KCNIP4: variants seen among roughly 807,000 people sequenced by gnomAD.
KCNIP4 encodes potassium voltage-gated channel interacting protein 4.
KCNIP4 carries 12 observed loss-of-function variants against 34.0 expected under a neutral mutation model. That is an observed-to-expected ratio of 0.35 (90% CI 0.23 to 0.57). The LOEUF (loss-of-function observed/expected upper bound fraction) is 0.57, where lower values mean the gene tolerates loss of function less well. Among genes scored for constraint, KCNIP4 ranks in the 20% least tolerant of loss-of-function variants. The pLI, the probability that KCNIP4 is intolerant of heterozygous loss-of-function variation, is 0.83. For synonymous variants in KCNIP4, 124 were observed against 102.2 expected, an observed-to-expected ratio of 1.21 and a Z score of -1.29; for missense variants, 238 against 311.7, an observed-to-expected ratio of 0.76 and a Z score of 1.78.
chr4:21,126,617 C>CAAAAAAAAA (rs71655615), intron 1 of KCNIP4, among the ~76,000 whole-genome samples: 52 of 81,904 alleles, frequency 6.3e-4, no homozygotes, highest in African/African-American at 9.0e-4. Context: ...AGAGAAATAG[C>CAAAAAAAAA]AAAAAAAAAA....
At chr4:20,785,031 G>C (rs1011318893) in intron 3 of KCNIP4, among the ~76,000 whole-genome samples, 3 of 152,066 alleles carry the variant, frequency 2.0e-5, no homozygotes, top group Admixed American at 1.3e-4. Context: ...CAGAAACTGG[G>C]GATATATATC....
intron 1 of KCNIP4, among the ~76,000 whole-genome samples, chr4:21,203,179 C>T (rs1362660389): frequency 1.3e-5 from 2 of 152,154 alleles, no homozygotes; most frequent in South Asian, 2.1e-4. Context: ...TCTGGGATCC[C>T]AAGTACCTGC....
At chr4:21,865,482 T>C (rs1012291103) in intron 1 of KCNIP4, among the ~76,000 whole-genome samples, 3 of 152,146 alleles carry the variant, frequency 2.0e-5, no homozygotes, top group Non-Finnish European at 4.4e-5. Flanking sequence ...AATGTTGTAC[T>C]GATTTCTGAA....
chr4:20,748,001 C>T (rs28637181), intron 5 of KCNIP4, among the ~76,000 whole-genome samples: 50,083 of 151,992 alleles, frequency 0.33, 8,717 homozygotes, highest in African/African-American at 0.44. Flanking sequence ...TCATGCTTCA[C>T]CTCCAATACC....
intron 1 of KCNIP4, among the ~76,000 whole-genome samples, chr4:21,025,306 C>T (rs756188324): frequency 6.6e-6 from 1 of 152,030 alleles, no homozygotes; most frequent in Non-Finnish European, 1.5e-5. Flanking sequence ...ATGAACCATA[C>T]TGAGTAGCTG....
At chr4:21,333,754 A>C (rs959468456) in intron 1 of KCNIP4, among the ~76,000 whole-genome samples, 1 of 152,120 alleles carries the variant, frequency 6.6e-6, no homozygotes, top group African/African-American at 2.4e-5. Flanking sequence ...CAACCAAAAA[A>C]AAATCAATAA....
chr4:21,897,435 C>T (rs1727460971), intron 1 of KCNIP4, among the ~76,000 whole-genome samples: 1 of 152,048 alleles, frequency 6.6e-6, no homozygotes, highest in Admixed American at 6.5e-5. Context: ...CTGTAAAAAT[C>T]CTCGAAGAGT....
chr4:21,470,823 C>CAA (rs61211007), intron 1 of KCNIP4, among the ~76,000 whole-genome samples: 3,817 of 148,240 alleles, frequency 0.026, 272 homozygotes, highest in East Asian at 0.17. Context: ...GATAATTTAA[C>CAA]AAAAAAAAAA....
intron 1 of KCNIP4, among the ~76,000 whole-genome samples, chr4:21,344,630 A>G (rs1717111040): frequency 6.6e-6 from 1 of 152,202 alleles, no homozygotes; most frequent in South Asian, 2.1e-4. Context: ...AACCAATCCC[A>G]GCTGACCTGG....
intron 1 of KCNIP4, among the ~76,000 whole-genome samples, chr4:21,108,410 T>G (rs192337568): frequency 6.6e-6 from 1 of 151,828 alleles, no homozygotes; most frequent in Admixed American, 6.5e-5. Flanking sequence ...GGCTTCTGCA[T>G]TCTTCACGTA....
chr4:20,729,983 T>C lies in KCNIP4; in HGVS notation c.*99A>G. Reference sequence around the variant, plus strand: ...AGCTTGTTTGCATAATATGCTTCAGTGTCAAGCTGAGCAATCTATGCTAAA... The same window carrying C: ...AGCTTGTTTGCATAATATGCTTCAGCGTCAAGCTGAGCAATCTATGCTAAA... On this transcript the variant is annotated 3_prime_UTR_variant, in exon 9 of 9. Transcript: ENST00000382152. 1 of 1,366,714 alleles carries C rather than the reference T, an allele frequency of 7.3e-7. No individual in the cohort carries two copies. The highest frequency in any genetic ancestry group is 2.0e-4 in the Middle Eastern group (1 of 4,904). 84.7% of individuals were successfully genotyped at this position (1,366,714 alleles called of 1,614,324 possible). A position where few individuals can be genotyped will look rare whatever the true frequency, so the allele number is the denominator to read the frequency against.
chr4:21,016,152 A>G (rs77006543), intron 1 of KCNIP4, among the ~76,000 whole-genome samples: 10,119 of 150,968 alleles, frequency 0.067, 387 homozygotes, highest in African/African-American at 0.088. Context: ...ATATGAATTG[A>G]CAGCTGACTG....
At chr4:21,425,264 A>G (rs1016128498) in intron 1 of KCNIP4, among the ~76,000 whole-genome samples, 4 of 152,216 alleles carry the variant, frequency 2.6e-5, no homozygotes, top group Non-Finnish European at 2.9e-5. Flanking sequence ...ATATTATGAG[A>G]GATTAACAAA....
At chr4:21,394,840 TG>T (rs909678553) in intron 1 of KCNIP4, among the ~76,000 whole-genome samples, 5 of 152,192 alleles carry the variant, frequency 3.3e-5, no homozygotes, top group African/African-American at 1.2e-4. Context: ...GAAAAAGTCT[TG>T]ATTGACACTT....
intron 1 of KCNIP4, among the ~76,000 whole-genome samples, chr4:21,003,444 C>G (rs1464128429): frequency 1.3e-5 from 2 of 152,160 alleles, no homozygotes; most frequent in Non-Finnish European, 2.9e-5. Context: ...AGCCACTTTA[C>G]CTAAGAGTGA....
chr4:21,300,999 C>G (rs1711603255), intron 1 of KCNIP4, among the ~76,000 whole-genome samples: 1 of 152,038 alleles, frequency 6.6e-6, no homozygotes, highest in Non-Finnish European at 1.5e-5. Context: ...TGTGCTCCAA[C>G]TACTATTTTA....
chr4:21,057,683 G>A (rs1459791885), intron 1 of KCNIP4, among the ~76,000 whole-genome samples: 2 of 152,196 alleles, frequency 1.3e-5, no homozygotes, highest in African/African-American at 4.8e-5. Context: ...ACATAGCACA[G>A]TGGTCGTCTT....
At chr4:20,942,954 G>A (rs1422930834) in intron 1 of KCNIP4, among the ~76,000 whole-genome samples, 1 of 152,160 alleles carries the variant, frequency 6.6e-6, no homozygotes, top group African/African-American at 2.4e-5. Context: ...TTACAGGTGT[G>A]AGCCACCGTG....
At position 21,671,733 on chromosome 4, in the gene KCNIP4, C is replaced by T. The variant is rs78313943; in HGVS notation, c.61+276838G>A. Among the ~76,000 whole-genome samples the T allele has an allele frequency of 1.6e-4, 24 of 152,222 alleles. No individual in the cohort carries two copies. The East Asian group carries it at 4.5e-3, about 28-fold the overall frequency. ...TTGAGCTGTATGTCACAGTAGCACC[C>T]GAAACCTATGCTGAAGTGCCCACGT... On this transcript the variant is annotated intron_variant, in intron 1 of 8. Transcript: ENST00000382152.
Sources: gnomAD v4.1 joint callset for allele counts (sites outside exome capture counted in the v4.1 genomes callset) on GRCh38, gnomAD v4.1.1 for gene constraint, MANE v1.5 for transcripts, NCBI Gene and HGNC (gene_info 2026-07-23, HGNC 2026-07-21) for gene names.